SUSD2: variants seen among roughly 807,000 people sequenced by gnomAD.
SUSD2 encodes sushi domain-containing protein 2.
A neutral mutation model predicts 93.8 loss-of-function variants in SUSD2; 86 were observed. The ratio of observed to expected loss-of-function variants is 0.92; its 90% CI spans 0.77 to 1.10. SUSD2 has a LOEUF of 1.10. Among genes scored for constraint, SUSD2 ranks in the 50% least tolerant of loss-of-function variants. The pLI is 0.00. For synonymous variants in SUSD2, 483 were observed against 485.0 expected (o/e 1.00, Z 0.05); for missense variants, 1,060 against 1,137.0 (o/e 0.93, Z 0.97).
intron 10 of SUSD2, 163 bp downstream of exon 10, chr22:24,186,578 G>T (rs1448681771): frequency 1.3e-6 from 1 of 790,484 alleles, no homozygotes; most frequent in Non-Finnish European, 2.0e-6. Context: ...TGCCCCCGTC[G>T]TACCCACCTG....
chr22:24,185,484 A>C lies in SUSD2; in HGVS notation c.985-2A>C. The C allele has an allele frequency of 6.4e-7, 1 of 1,560,276 alleles. No individual in the cohort carries two copies. Among genetic ancestry groups the C allele is most frequent in the Non-Finnish European group, 8.7e-7 (1 of 1,151,892 alleles). On this transcript the variant is annotated splice_acceptor_variant, in intron 6 of 14. Coordinates refer to ENST00000358321, the MANE Select transcript of SUSD2 (RefSeq NM_019601.4). LOFTEE classifies it high-confidence loss of function. Reference sequence around the variant, plus strand: ...GGGTGACAGCCACCTGCTGCTCTGCAGACGGACTACGGCTGTGACATGGAG... The same window carrying C: ...GGGTGACAGCCACCTGCTGCTCTGCCGACGGACTACGGCTGTGACATGGAG...
In SUSD2 at chr22:24,185,075, A is replaced by G. The variant is rs143646757; in HGVS notation, c.783-19A>G. On this transcript the variant is annotated intron_variant, in intron 5 of 14. Transcript: ENST00000358321. ...GGGTGGTGTGGGCTGGCCCAGCTCC[A>G]GCATCATCACCTCCACAGGGACGTG... is the stretch of plus-strand genomic sequence containing the variant. 330 of 1,612,742 alleles carry G rather than the reference A, an allele frequency of 2.0e-4. 4 individuals carry two copies. In the Admixed American group the frequency reaches 5.3e-3, roughly 26 times the overall value.
At chr22:24,185,960 G>A (rs754476519) in intron 8 of SUSD2, 31 bp downstream of exon 8, 1 of 1,573,612 alleles carries the variant, frequency 6.4e-7, no homozygotes, top group Admixed American at 1.7e-5. Flanking sequence ...CAGACCCTGG[G>A]AAAGATCGGG....
intron 10 of SUSD2, 34 bp from the exon 11 acceptor site, chr22:24,187,168 G>C (rs1297482718): frequency 1.9e-6 from 3 of 1,597,974 alleles, no homozygotes; most frequent in Admixed American, 1.7e-5. Flanking sequence ...GATGCTCACA[G>C]CGGGTGACCC....
At position 24,184,930 on chromosome 22, in the gene SUSD2, G is replaced by A. The variant is rs752711134; in HGVS notation, c.772G>A (p.Ala258Thr). Reference sequence around the variant, plus strand: ...TCGGATCATCGACAGCAAAAATTACGCAGGGCAGAAGTAAGAAGGCATGGA... The same window carrying A: ...TCGGATCATCGACAGCAAAAATTACACAGGGCAGAAGTAAGAAGGCATGGA... ...ALRIIDSKNY[A>T]GQKDVQALWT... is the part of the protein sequence containing the mutation. The change falls in exon 5 of 15, where the codon GCA becomes ACA. Residue 258 changes from alanine to threonine, a missense_variant. Ala to Thr is a moderately conservative substitution (Grantham distance 58, BLOSUM62 0). Transcript: ENST00000358321. 21 of 1,613,516 alleles carry A rather than the reference G, an allele frequency of 1.3e-5. No homozygotes were observed. The highest frequency in any genetic ancestry group is 1.6e-4 in the Middle Eastern group (1 of 6,076).
At chr22:24,185,042 C>A in intron 5 of SUSD2, 52 bp from the exon 6 acceptor site, 1 of 1,609,948 alleles carries the variant, frequency 6.2e-7, no homozygotes, top group Non-Finnish European at 8.5e-7. Flanking sequence ...GAGAGTGGGG[C>A]GACCATGGGG....
chr22:24,186,954 A>G (rs1466627858), intron 10 of SUSD2: 12 of 578,586 alleles, frequency 2.1e-5, no homozygotes, highest in South Asian at 1.4e-4. Context: ...AGAGGGACCC[A>G]CACGTGCATC....
chr22:24,183,991 T>C (rs2047343646), intron 3 of SUSD2, 145 bp from the exon 4 acceptor site: 4 of 811,436 alleles, frequency 4.9e-6, no homozygotes, highest in South Asian at 1.8e-5. Context: ...TCAGCGTCCT[T>C]TTCTGCTGTG....
chr22:24,187,093 C>A, intron 10 of SUSD2, 109 bp from the exon 11 acceptor site: 1 of 1,438,492 alleles, frequency 7.0e-7, no homozygotes, highest in Non-Finnish European at 9.4e-7. Context: ...CCTTCCCCTG[C>A]AGGTGCCCTC....
At chr22:24,187,937 C>G (rs1278009037) in intron 12 of SUSD2, 22 bp from the exon 13 acceptor site, 3 of 1,611,808 alleles carry the variant, frequency 1.9e-6, no homozygotes, top group East Asian at 2.2e-5. Flanking sequence ...GGCCTGTTGT[C>G]TGCACTCTGT....
chr22:24,185,733 C>T lies in SUSD2; in HGVS notation c.1143C>T (p.Ser381=), dbSNP rs1230608674. 9.3e-6 allele frequency: 15 copies of T among 1,609,298 alleles called. No homozygotes were observed. Among genetic ancestry groups the T allele is most frequent in the Middle Eastern group, 1.6e-4 (1 of 6,068 alleles). The change falls in exon 8 of 15, where the codon AGC becomes AGT. Residue 381 remains serine, a synonymous_variant. Transcript: ENST00000358321. ...CGCAGCTCCTGACAGCTGACTCCAG[C>T]GGCGGCAGCACTCCCGACCGCGGCC... The part of the protein sequence containing the change: ...DGTQLLTADS[S]GGSTPDRGHD...
chr22:24,187,488 G>T lies in SUSD2; in HGVS notation c.1891+38G>T, dbSNP rs200080275. ...GGAGTATATGGGGCAGACGGGGTGGGGGTTACTGGAAACATGGCACGGGCA... is the reference window on the plus strand; with the variant it reads ...GGAGTATATGGGGCAGACGGGGTGGTGGTTACTGGAAACATGGCACGGGCA... On this transcript the variant is annotated intron_variant, in intron 11 of 14. Coordinates refer to ENST00000358321, the MANE Select transcript of SUSD2 (RefSeq NM_019601.4). 1,747 of 1,607,212 alleles carry T rather than the reference G, an allele frequency of 1.1e-3. 1 individual carries two copies. The highest frequency in any genetic ancestry group is 2.0e-3 in the Middle Eastern group (12 of 6,046).
chr22:24,184,988 C>T (rs758471670), intron 5 of SUSD2, 48 bp downstream of exon 5: 11 of 1,611,364 alleles, frequency 6.8e-6, no homozygotes, highest in Middle Eastern at 1.7e-4. Flanking sequence ...CCTCGCCGCC[C>T]GAGGCCCATC....
In SUSD2 at chr22:24,186,402, G is replaced by A; in HGVS notation, c.1629G>A (p.Trp543Ter). 1.9e-6 allele frequency: 3 copies of A among 1,613,374 alleles called. No individual in the cohort carries two copies. The highest frequency in any genetic ancestry group is 2.5e-6 in the Non-Finnish European group (3 of 1,180,012). ...TGCTGAGCTTCACCGAGCAGAGCTG[G>A]ATGGACCTGAAAGGTGAGCAGTCCA... is the stretch of plus-strand genomic sequence containing the variant. ...QEVLSFTEQS[W>*]MDLKGMFLSV... The change falls in exon 10 of 15, where the codon TGG becomes TGA. Residue 543 changes from tryptophan (W) to a stop codon, truncating the protein, a stop_gained. Coordinates refer to ENST00000358321, the MANE Select transcript of SUSD2 (RefSeq NM_019601.4). LOFTEE classifies it high-confidence loss of function.
intron 8 of SUSD2, 34 bp downstream of exon 8, chr22:24,185,963 A>G (rs1242417292): frequency 5.7e-6 from 9 of 1,574,154 alleles, no homozygotes; most frequent in Non-Finnish European, 7.8e-6. Context: ...ACCCTGGGAA[A>G]GATCGGGCTG....
Position 24,184,842 on chromosome 22 carries a change from C to G in SUSD2, c.684C>G (p.Gly228=), listed in dbSNP as rs779233209. 1.9e-6 allele frequency: 3 copies of G among 1,613,912 alleles called. No individual in the cohort carries two copies. Among genetic ancestry groups the G allele is most frequent in the East Asian group, 2.2e-5 (1 of 44,898 alleles). ...TGGCCACACACATCCCCAACTCCGG[C>G]TCTTTCACTTTCACCCCAAAACCTG... The part of the protein sequence containing the change: ...YPLATHIPNS[G]SFTFTPKPAP... The change falls in exon 5 of 15, where the codon GGC becomes GGG. Residue 228 remains glycine, a synonymous_variant. Transcript: ENST00000358321.
At position 24,186,089 on chromosome 22, in the gene SUSD2, C is replaced by T. The variant is rs538426105; in HGVS notation, c.1413C>T (p.Tyr471=). Reference sequence around the variant, plus strand: ...TCACATTCAATGGGCGCGGAGAGTACGTGCTGCTGGAGGCAGCGCTGACCG... The same window carrying T: ...TCACATTCAATGGGCGCGGAGAGTATGTGCTGCTGGAGGCAGCGCTGACCG... The part of the protein sequence containing the change: ...TNFTFNGRGE[Y]VLLEAALTDL... The change falls in exon 9 of 15, where the codon TAC becomes TAT. Residue 471 remains tyrosine, a synonymous_variant. Coordinates refer to ENST00000358321, the MANE Select transcript of SUSD2 (RefSeq NM_019601.4). 40 of 1,612,720 alleles carry T rather than the reference C, an allele frequency of 2.5e-5. No individual in the cohort carries two copies. In the Admixed American group the frequency reaches 3.7e-4, roughly 15 times the overall value.
In SUSD2 at chr22:24,185,905, C is replaced by G. The variant is rs546631132; in HGVS notation, c.1315C>G (p.Arg439Gly). The change falls in exon 8 of 15, where the codon CGC becomes GGC. Residue 439 changes from arginine to glycine, a missense_variant. Coordinates refer to ENST00000358321, the MANE Select transcript of SUSD2 (RefSeq NM_019601.4). Reference protein sequence around the residue: ...YMQRRPSNDCRNYRPPRLASA... With the variant: ...YMQRRPSNDCGNYRPPRLASA... ...GCAACGGCGGCCCTCCAATGACTGC[C>G]GCAACTACCGGCCCCCAAGACTGGG... 5 of 1,572,604 alleles carry G rather than the reference C, an allele frequency of 3.2e-6. No homozygotes were observed. In the South Asian group the frequency reaches 3.5e-5, roughly 11 times the overall value.
intron 4 of SUSD2, among the ~76,000 whole-genome samples, 172 bp downstream of exon 4, chr22:24,184,475 G>A (rs1206160074): frequency 6.6e-6 from 1 of 152,032 alleles, no homozygotes; most frequent in African/African-American, 2.4e-5. Context: ...AGGTCAGGGG[G>A]GTCAGGCAGG....
Sources: gnomAD v4.1 joint callset for allele counts (sites outside exome capture counted in the v4.1 genomes callset) on GRCh38, gnomAD v4.1.1 for gene constraint, MANE v1.5 for transcripts, NCBI Gene and HGNC (gene_info 2026-07-23, HGNC 2026-07-21) for gene names.